Variants in ZBTB25 observed in about 807,000 individuals in gnomAD.
ZBTB25 encodes zinc finger and BTB domain-containing protein 25.
A neutral mutation model predicts 34.2 loss-of-function variants in ZBTB25; 20 were observed. That is an observed-to-expected ratio of 0.58 (90% CI 0.41 to 0.85). The LOEUF (loss-of-function observed/expected upper bound fraction) is 0.85. ZBTB25 is among the 40% of genes least tolerant of loss of function. ZBTB25 has a pLI of 0.00. For missense variants in ZBTB25, 437 were observed against 521.8 expected, an observed-to-expected ratio of 0.84 and a Z score of 1.58; for synonymous variants, 175 against 186.4, an observed-to-expected ratio of 0.94 and a Z score of 0.50.
intron 2 of ZBTB25, among the ~76,000 whole-genome samples, chr14:64,456,665 C>T (rs568123599): frequency 1.1e-4 from 16 of 152,082 alleles, no homozygotes; most frequent in Admixed American, 1.0e-3. Context: ...GTCTAAGGAC[C>T]CATCCTTTCC....
At chr14:64,491,100 A>G (rs2079060166) in intron 1 of ZBTB25, among the ~76,000 whole-genome samples, 1 of 152,162 alleles carries the variant, frequency 6.6e-6, no homozygotes, top group Non-Finnish European at 1.5e-5. Context: ...ACTTATCATC[A>G]CAGTAGCTCA....
rs1455663193 is a variant in ZBTB25, at chr14:64,478,832, T to G, written c.*8091A>C. The G allele has an allele frequency of 6.6e-6, 1 of 152,182 alleles. No individual in the cohort carries two copies. The highest frequency in any genetic ancestry group is 1.5e-5 in the Non-Finnish European group (1 of 68,028). 9.4% of individuals were successfully genotyped at this position (152,182 alleles called of 1,614,324 possible). On this transcript the variant is annotated 3_prime_UTR_variant, in exon 3 of 3. Transcript: ENST00000608382. ...TTAATAGTAATGCTGAATTCAAGTA[T>G]AATGAACATTTTTTTAAAGGTACAC...
intron 1 of ZBTB25, among the ~76,000 whole-genome samples, chr14:64,492,380 T>C (rs911612681): frequency 6.6e-6 from 1 of 151,940 alleles, no homozygotes; most frequent in African/African-American, 2.4e-5. Context: ...CTAATTTTTG[T>C]ATTTTTAGTA....
intron 1 of ZBTB25, among the ~76,000 whole-genome samples, chr14:64,493,697 T>G (rs2079167478): frequency 1.3e-5 from 2 of 152,078 alleles, no homozygotes; most frequent in African/African-American, 4.8e-5. Flanking sequence ...AATTCCAGCT[T>G]GGGTAATTGG....
At chr14:64,502,045 G>A (rs1016828060) in intron 1 of ZBTB25, among the ~76,000 whole-genome samples, 1 of 152,194 alleles carries the variant, frequency 6.6e-6, no homozygotes, top group Non-Finnish European at 1.5e-5. Flanking sequence ...TATTACCACA[G>A]CCCAGGTAAT....
In ZBTB25 at chr14:64,487,796, C is replaced by T; in HGVS notation, c.435G>A (p.Leu145=). The change falls in exon 3 of 3, where the codon CTG becomes CTA. Residue 145 remains leucine (L), a synonymous_variant. Transcript: ENST00000608382. ...TACTGGAAGGAGCTTCTTTGACCTC[C>T]AGTCCTTGTTTGACAACTGTTTTTT... is the stretch of plus-strand genomic sequence containing the variant. ...TTQKTVVKQG[L]EVKEAPSSNS... 6.2e-7 allele frequency: 1 copy of T among 1,614,184 alleles called. No homozygotes were observed. Among genetic ancestry groups the T allele is most frequent in the Non-Finnish European group, 8.5e-7 (1 of 1,180,034 alleles).
intron 2 of ZBTB25, among the ~76,000 whole-genome samples, chr14:64,466,168 T>C (rs2078610997): frequency 6.6e-6 from 1 of 152,138 alleles, no homozygotes; most frequent in Non-Finnish European, 1.5e-5. Flanking sequence ...AGACTTGCAA[T>C]TCCATCAGGA....
At position 64,487,969 on chromosome 14, in the gene ZBTB25, G is replaced by C; in HGVS notation, c.262C>G (p.Gln88Glu). The change falls in exon 3 of 3, where the codon CAG becomes GAG. Residue 88 changes from glutamine to glutamate, a missense_variant. Coordinates refer to ENST00000608382, the MANE Select transcript of ZBTB25 (RefSeq NM_006977.5). ...HIMYTGKGPK[Q>E]IVDHSRLEEG... ...TCCAAACGACTATGATCCACAATCT[G>C]TTTTGGCCCTTTCCCCGTGTACATA... is the stretch of plus-strand genomic sequence containing the variant. 6.2e-7 allele frequency: 1 copy of C among 1,614,160 alleles called. No homozygotes were observed. The highest frequency in any genetic ancestry group is 8.5e-7 in the Non-Finnish European group (1 of 1,180,036).
In ZBTB25 at chr14:64,503,770, G is replaced by A; in HGVS notation, c.-117C>T. The A allele has an allele frequency of 3.8e-6, 1 of 263,060 alleles. No individual in the cohort carries two copies. The highest frequency in any genetic ancestry group is 5.9e-6 in the Non-Finnish European group (1 of 169,386). The allele number at this position is 263,060 out of a possible 1,614,324, so 16.3% of individuals were successfully genotyped here. A position where few individuals can be genotyped will look rare whatever the true frequency, so the allele number is the denominator to read the frequency against. On this transcript the variant is annotated 5_prime_UTR_variant, in exon 1 of 3. Transcript: ENST00000608382. ...CTCACGCACCCCTCGGCCGCCTCTC[G>A]CGCGGCTTCCCGCGCCGGCAGCCCG...
Position 64,486,842 on chromosome 14 carries a change from G to C in ZBTB25, c.*81C>G. 6.8e-7 allele frequency: 1 copy of C among 1,478,042 alleles called. No homozygotes were observed. The highest frequency in any genetic ancestry group is 1.4e-5 in the South Asian group (1 of 68,966). 91.6% of individuals were successfully genotyped at this position (1,478,042 alleles called of 1,614,324 possible). A position where few individuals can be genotyped will look rare whatever the true frequency, so the allele number is the denominator to read the frequency against. On this transcript the variant is annotated 3_prime_UTR_variant, in exon 3 of 3. Coordinates refer to ENST00000608382, the MANE Select transcript of ZBTB25 (RefSeq NM_006977.5). ...AGAAAAAAAGTCAATGAAACTTGAG[G>C]AGGAAAATAATTTATGAATTAAAAA... is the stretch of plus-strand genomic sequence containing the variant.
intron 2 of ZBTB25, among the ~76,000 whole-genome samples, chr14:64,463,914 A>G (rs745686): frequency 0.34 from 51,923 of 152,110 alleles, 8,979 homozygotes; most frequent in East Asian, 0.58. Context: ...AATTGCTTAT[A>G]AGCATAATGG....
At chr14:64,455,869 T>A (rs950850596) in intron 2 of ZBTB25, among the ~76,000 whole-genome samples, 7 of 152,190 alleles carry the variant, frequency 4.6e-5, no homozygotes, top group Non-Finnish European at 5.9e-5. Context: ...CAGTGGTGCT[T>A]AGCACAAATG....
In ZBTB25 at chr14:64,490,272, C is replaced by T. The variant is rs1012075930; in HGVS notation, c.173+89G>A. On this transcript the variant is annotated intron_variant, in intron 2 of 2. Coordinates refer to ENST00000608382, the MANE Select transcript of ZBTB25 (RefSeq NM_006977.5). ...ATAATTTTACTTCTTAGTGTGACTC[C>T]GTAACAAAGAATTTCCAAAATGATA... 30 of 780,856 alleles carry T rather than the reference C, an allele frequency of 3.8e-5. 1 individual carries two copies. The South Asian group carries it at 5.8e-4, about 15-fold the overall frequency. 48.4% of individuals were successfully genotyped at this position (780,856 alleles called of 1,614,324 possible). A position where few individuals can be genotyped will look rare whatever the true frequency, so the allele number is the denominator to read the frequency against.
At chr14:64,477,369 T>C (rs1005089683), downstream of ZBTB25, among the ~76,000 whole-genome samples, 6 of 152,138 alleles carry the variant, frequency 3.9e-5, no homozygotes, top group African/African-American at 1.4e-4. Flanking sequence ...AATAGTGAAA[T>C]AGGAGATATT....
intron 2 of ZBTB25, chr14:64,458,135 C>T: frequency 8.8e-7 from 1 of 1,140,346 alleles, no homozygotes; most frequent in Non-Finnish European, 1.3e-6. Flanking sequence ...AAGTGATCCT[C>T]TCCACCTCAG....
intron 2 of ZBTB25, among the ~76,000 whole-genome samples, chr14:64,455,972 C>T (rs935934574): frequency 2.0e-5 from 3 of 152,196 alleles, no homozygotes; most frequent in Non-Finnish European, 4.4e-5. Context: ...GTAGAAATCC[C>T]TTGTGGTAGG....
intron 1 of ZBTB25, among the ~76,000 whole-genome samples, chr14:64,502,087 A>G (rs2079516940): frequency 6.6e-6 from 1 of 152,208 alleles, no homozygotes; most frequent in Non-Finnish European, 1.5e-5. Context: ...TAACATGAAG[A>G]CAGTACCATC....
chr14:64,466,268 AG>A (rs1439665657), intron 2 of ZBTB25, among the ~76,000 whole-genome samples: 3 of 152,244 alleles, frequency 2.0e-5, no homozygotes, highest in Non-Finnish European at 4.4e-5. Flanking sequence ...CATTCTGCAA[AG>A]TTTTATTGTC....
intron 2 of ZBTB25, chr14:64,468,702 G>C: frequency 6.2e-7 from 1 of 1,614,156 alleles, no homozygotes; most frequent in Non-Finnish European, 8.5e-7. Context: ...CCATTGGAGG[G>C]TGAAATGCAA....
Sources: allele counts gnomAD v4.1 joint callset (sites outside exome capture counted in the v4.1 genomes callset), GRCh38; gene constraint gnomAD v4.1.1; transcripts MANE v1.5; gene names NCBI Gene and HGNC (gene_info 2026-07-23, HGNC 2026-07-21).